SMIM14: variants seen among roughly 807,000 people sequenced by gnomAD.
SMIM14 encodes chromosome 4 open reading frame 34.
SMIM14 carries 5 observed loss-of-function variants against 12.6 expected under a neutral mutation model. That is an observed-to-expected ratio of 0.40 (90% confidence interval 0.21 to 0.83). The LOEUF is 0.83. Among genes scored for constraint, SMIM14 ranks in the 40% least tolerant of loss-of-function variants. The pLI, the probability that SMIM14 is intolerant of heterozygous loss-of-function variation, is 0.37. For missense variants in SMIM14, 86 were observed against 119.1 expected (o/e 0.72, Z 1.29); for synonymous variants, 30 against 40.1 (o/e 0.75, Z 0.95).
At chr4:39,586,865 C>G (rs939194866) in intron 2 of SMIM14, among the ~76,000 whole-genome samples, 17 of 152,012 alleles carry the variant, frequency 1.1e-4, no homozygotes, top group African/African-American at 4.1e-4. Flanking sequence ...AATCCAAGAT[C>G]AAAGTTCTAG....
intron 3 of SMIM14, among the ~76,000 whole-genome samples, chr4:39,564,820 C>G (rs981751093): frequency 6.6e-6 from 1 of 152,140 alleles, no homozygotes; most frequent in Admixed American, 6.6e-5. Flanking sequence ...CAAGGAACAG[C>G]GAGAACTCCT....
intron 1 of SMIM14, among the ~76,000 whole-genome samples, chr4:39,624,489 A>G (rs1421480040): frequency 6.6e-6 from 1 of 152,196 alleles, no homozygotes; most frequent in Non-Finnish European, 1.5e-5. Context: ...TACAAAGACA[A>G]CTTTAGAGCA....
At chr4:39,565,964 G>A (rs776344363) in intron 3 of SMIM14, among the ~76,000 whole-genome samples, 16 of 151,726 alleles carry the variant, frequency 1.1e-4, no homozygotes, top group Admixed American at 6.6e-4. Flanking sequence ...TTCACCTTCC[G>A]CCATGATTGT....
At chr4:39,577,987 T>G (rs1240567189) in intron 2 of SMIM14, among the ~76,000 whole-genome samples, 1 of 152,148 alleles carries the variant, frequency 6.6e-6, no homozygotes, top group African/African-American at 2.4e-5. Context: ...ACAACCATAT[T>G]CCTAGTCCAG....
At chr4:39,599,606 G>C (rs1304194054) in intron 2 of SMIM14, among the ~76,000 whole-genome samples, 2 of 152,138 alleles carry the variant, frequency 1.3e-5, no homozygotes, top group East Asian at 3.8e-4. Flanking sequence ...CCCAAAGGAT[G>C]GTTCTGCATC....
At chr4:39,592,830 A>C (rs1714173081) in intron 2 of SMIM14, 1 of 152,224 alleles carries the variant, frequency 6.6e-6, no homozygotes, top group Admixed American at 6.6e-5. Context: ...CTCGACACAT[A>C]CACCCTCCCA....
intron 1 of SMIM14, among the ~76,000 whole-genome samples, chr4:39,626,755 T>C (rs114493303): frequency 2.6e-5 from 4 of 152,172 alleles, no homozygotes; most frequent in African/African-American, 9.7e-5. Context: ...AGAACGCTTT[T>C]CTCCTTGACC....
At chr4:39,564,456 A>G (rs923647826) in intron 3 of SMIM14, among the ~76,000 whole-genome samples, 1 of 152,206 alleles carries the variant, frequency 6.6e-6, no homozygotes, top group African/African-American at 2.4e-5. Context: ...TTATCGGAAC[A>G]TTTCACATTT....
chr4:39,563,955 G>C (rs912686367), intron 3 of SMIM14, among the ~76,000 whole-genome samples: 4 of 151,340 alleles, frequency 2.6e-5, no homozygotes, highest in African/African-American at 9.7e-5. Context: ...TTGAGACGGA[G>C]TCTTGCTCTG....
At chr4:39,580,575 G>A (rs542520300) in intron 2 of SMIM14, among the ~76,000 whole-genome samples, 2 of 151,916 alleles carry the variant, frequency 1.3e-5, no homozygotes, top group African/African-American at 4.8e-5. Context: ...AGGCGAGGCT[G>A]GAGTACAGTG....
At chr4:39,574,801 A>G (rs1713079896) in intron 2 of SMIM14, among the ~76,000 whole-genome samples, 3 of 152,186 alleles carry the variant, frequency 2.0e-5, no homozygotes, top group Admixed American at 2.0e-4. Flanking sequence ...ATTATTCTCT[A>G]AGATGATCAG....
chr4:39,605,582 G>A (rs889913317), intron 1 of SMIM14, among the ~76,000 whole-genome samples: 3 of 152,020 alleles, frequency 2.0e-5, no homozygotes, highest in African/African-American at 7.3e-5. Context: ...TTTATGGGGG[G>A]AAATTAATGA....
intron 1 of SMIM14, among the ~76,000 whole-genome samples, chr4:39,615,759 A>G (rs1356769996): frequency 6.6e-6 from 1 of 152,230 alleles, no homozygotes; most frequent in African/African-American, 2.4e-5. Flanking sequence ...CAGGAGTTAA[A>G]GACCATTGAA....
intron 1 of SMIM14, among the ~76,000 whole-genome samples, chr4:39,625,242 G>GAAAT (rs1715653107): frequency 6.8e-6 from 1 of 147,744 alleles, no homozygotes; most frequent in Non-Finnish European, 1.5e-5. Context: ...AAGAAAGAAA[G>GAAAT]AAAAAGAAAA....
chr4:39,582,537 G>C (rs909493983), intron 2 of SMIM14, among the ~76,000 whole-genome samples: 2 of 151,678 alleles, frequency 1.3e-5, no homozygotes, highest in African/African-American at 4.9e-5. Context: ...GGTGGTGCAC[G>C]GCTGTAATCC....
intron 3 of SMIM14, among the ~76,000 whole-genome samples, chr4:39,570,448 C>T (rs983398068): frequency 6.6e-6 from 1 of 152,082 alleles, no homozygotes; most frequent in African/African-American, 2.4e-5. Context: ...CGTGAGCCAC[C>T]GTGCCCGGCA....
chr4:39,581,218 C>T (rs973849214), intron 2 of SMIM14, among the ~76,000 whole-genome samples: 13 of 152,166 alleles, frequency 8.5e-5, no homozygotes, highest in Non-Finnish European at 1.2e-4. Context: ...TACTGTCCAA[C>T]AAAATGTTTT....
chr4:39,600,411 C>T (rs139687257), intron 2 of SMIM14, among the ~76,000 whole-genome samples: 2 of 151,278 alleles, frequency 1.3e-5, no homozygotes, highest in Non-Finnish European at 2.9e-5. Flanking sequence ...GGAAAAGGGC[C>T]GGGTGTGGTG....
intron 1 of SMIM14, among the ~76,000 whole-genome samples, chr4:39,630,214 GTGGTGAAACCGT>G (rs1273174140): frequency 6.6e-6 from 1 of 151,892 alleles, no homozygotes; most frequent in Non-Finnish European, 1.5e-5. Flanking sequence ...GCCTGCCAAG[GTGGTGAAACCGT>G]CTCTACAAAA....
Sources: gnomAD v4.1 joint callset for allele counts (sites outside exome capture counted in the v4.1 genomes callset) on GRCh38, gnomAD v4.1.1 for gene constraint, MANE v1.5 for transcripts, NCBI Gene and HGNC (gene_info 2026-07-23, HGNC 2026-07-21) for gene names.